NHS: variants seen among roughly 807,000 people sequenced by gnomAD.
The protein encoded by NHS is actin remodeling regulator NHS.
NHS carries 5 observed loss-of-function variants against 72.5 expected under a neutral mutation model. The observed-to-expected ratio is 0.07, with a 90% CI of 0.04 to 0.14. The LOEUF (loss-of-function observed/expected upper bound fraction) is 0.14. NHS is among the 10% of genes least tolerant of loss of function. The pLI, the probability that NHS is intolerant of heterozygous loss-of-function variation, is 1.00. For synonymous variants in NHS, 464 were observed against 547.7 expected, an observed-to-expected ratio of 0.85 and a Z score of 2.13; for missense variants, 1,072 against 1,355.7, an observed-to-expected ratio of 0.79 and a Z score of 3.29.
chrX:17,684,555 T>C (rs925350043), intron 1 of NHS, among the ~76,000 whole-genome samples: 9 of 111,690 alleles, frequency 8.1e-5, no homozygotes, highest in African/African-American at 2.9e-4. Flanking sequence ...AGAGGCCACC[T>C]GCCATTCCCT....
intron 1 of NHS, among the ~76,000 whole-genome samples, chrX:17,490,312 G>T (rs1345666461): frequency 8.9e-6 from 1 of 112,371 alleles, no homozygotes; most frequent in East Asian, 2.8e-4. Flanking sequence ...TAAGGTGTAA[G>T]AAAGGGGTTC....
intron 1 of NHS, among the ~76,000 whole-genome samples, chrX:17,478,830 T>C (rs2064932991): frequency 8.9e-6 from 1 of 112,224 alleles, no homozygotes; most frequent in African/African-American, 3.2e-5. Flanking sequence ...CTTAGGGGTA[T>C]TGAGCACTTG....
At chrX:17,444,819 A>G (rs1054700868) in intron 1 of NHS, among the ~76,000 whole-genome samples, 10 of 109,959 alleles carry the variant, frequency 9.1e-5, no homozygotes, top group Admixed American at 8.7e-4. Flanking sequence ...TTGGCCCAAT[A>G]TGTGAGAGTG....
chrX:17,434,124 T>G (rs2064708418), intron 1 of NHS, among the ~76,000 whole-genome samples: 1 of 111,439 alleles, frequency 9.0e-6, no homozygotes, highest in Admixed American at 9.5e-5. Context: ...AAAGGCAGTT[T>G]TTATGGGCTT....
At chrX:17,690,223 C>CT (rs200580333) in intron 2 of NHS, among the ~76,000 whole-genome samples, 15 of 111,171 alleles carry the variant, frequency 1.3e-4, no homozygotes, top group South Asian at 3.7e-4. Context: ...TAGAAAGTGA[C>CT]TTTTTTTTTA....
intron 1 of NHS, among the ~76,000 whole-genome samples, chrX:17,438,722 TGG>T (rs2064736216): frequency 9.0e-6 from 1 of 111,721 alleles, no homozygotes; most frequent in African/African-American, 3.3e-5. Context: ...AATTATAAAA[TGG>T]GGATGTCTTC....
chrX:17,635,280 C>T, intron 1 of NHS: 2 of 1,044,260 alleles, frequency 1.9e-6, no homozygotes. Context: ...TGTGTCCAGG[C>T]TGCCCTGGAG....
At chrX:17,591,840 G>A (rs1266761152) in intron 1 of NHS, among the ~76,000 whole-genome samples, 2 of 111,970 alleles carry the variant, frequency 1.8e-5, no homozygotes, top group Non-Finnish European at 3.8e-5. Context: ...TTCCAATCTT[G>A]AGAATATTGT....
intron 1 of NHS, among the ~76,000 whole-genome samples, chrX:17,426,254 A>G (rs938103170): frequency 8.9e-6 from 1 of 112,063 alleles, no homozygotes; most frequent in Non-Finnish European, 1.9e-5. Flanking sequence ...TGCTTGTGAA[A>G]CATCTTCCAG....
At chrX:17,652,645 G>T (rs1383735207) in intron 1 of NHS, among the ~76,000 whole-genome samples, 1 of 111,525 alleles carries the variant, frequency 9.0e-6, no homozygotes, top group African/African-American at 3.3e-5. Context: ...TAGATAGGTG[G>T]AATACGTTCT....
chrX:17,502,014 A>C (rs1329629746), intron 1 of NHS, among the ~76,000 whole-genome samples: 2 of 111,254 alleles, frequency 1.8e-5, no homozygotes, highest in Non-Finnish European at 3.8e-5. Flanking sequence ...AGTCCATTGA[A>C]CTCAGTTAAT....
In NHS at chrX:17,725,744, T is replaced by C. The variant is rs1231768002; in HGVS notation, c.1638T>C (p.Ser546=). The C allele has an allele frequency of 3.3e-6, 4 of 1,211,381 alleles. No individual in the cohort carries two copies. The highest frequency in any genetic ancestry group is 4.5e-6 in the Non-Finnish European group (4 of 895,433). ...ATGAAAGAACCCCTAATGATTTCAG[T>C]GAGGCTCCAAGCAGCCCGAGTGCCC... ...GDHERTPNDF[S]EAPSSPSAQD... The change falls in exon 7 of 9, where the codon AGT becomes AGC. Residue 546 remains serine (S), a synonymous_variant. Coordinates refer to ENST00000676302, the MANE Select transcript of NHS (RefSeq NM_001291867.2).
At chrX:17,725,315 A>G (rs1374141749) in intron 6 of NHS, 32 bp from the exon 7 acceptor site, 1 of 1,176,228 alleles carries the variant, frequency 8.5e-7, no homozygotes, top group African/African-American at 1.8e-5. Context: ...CTGATATAGA[A>G]AATATCTCAC....
chrX:17,406,420 G>A (rs758644396), intron 1 of NHS, among the ~76,000 whole-genome samples: 4 of 111,292 alleles, frequency 3.6e-5, no homozygotes, highest in South Asian at 3.9e-4. Context: ...CTAAACAAGC[G>A]GGTCTGCAAG....
At chrX:17,490,018 A>G (rs2064983459) in intron 1 of NHS, among the ~76,000 whole-genome samples, 1 of 111,873 alleles carries the variant, frequency 8.9e-6, no homozygotes, top group African/African-American at 3.3e-5. Flanking sequence ...TAGATTCTAG[A>G]TATTAGCCCT....
At chrX:17,511,473 G>A (rs1302824314) in intron 1 of NHS, among the ~76,000 whole-genome samples, 1 of 111,482 alleles carries the variant, frequency 9.0e-6, no homozygotes, top group Admixed American at 9.6e-5. Context: ...AGTCACCTTT[G>A]GAGGCTGGCA....
chrX:17,446,789 C>T (rs1159361566), intron 1 of NHS, among the ~76,000 whole-genome samples: 1 of 111,661 alleles, frequency 9.0e-6, no homozygotes, highest in African/African-American at 3.3e-5. Flanking sequence ...ATAAAAGTGG[C>T]TTATAGTCTA....
At chrX:17,660,936 A>G (rs1421052792) in intron 1 of NHS, among the ~76,000 whole-genome samples, 1 of 112,561 alleles carries the variant, frequency 8.9e-6, no homozygotes, top group African/African-American at 3.2e-5. Flanking sequence ...AGTTGATGGT[A>G]CATTAAAATG....
At chrX:17,712,264 TATATATATATATATATATATATATATAC>T (rs2066335415) in intron 3 of NHS, among the ~76,000 whole-genome samples, 1 of 66,516 alleles carries the variant, frequency 1.5e-5, no homozygotes, top group Non-Finnish European at 2.6e-5. Context: ...TATATATATA[TATATATATATATATATATATATATATAC>T]ACACACACAC....
Sources: allele counts gnomAD v4.1 joint callset (sites outside exome capture counted in the v4.1 genomes callset), GRCh38; gene constraint gnomAD v4.1.1; transcripts MANE v1.5; gene names NCBI Gene and HGNC (gene_info 2026-07-23, HGNC 2026-07-21).